The following CDK14 variants were observed in gnomAD, a reference collection of about 807,000 sequenced individuals.
CDK14 encodes cyclin dependent kinase 14.
In CDK14, 34 loss-of-function variants were observed where a neutral mutation model predicts 60.7. That is an observed-to-expected ratio of 0.56 (90% CI 0.43 to 0.75). The LOEUF is 0.75. Ranked by LOEUF, CDK14 falls within the 30% of genes least tolerant of loss-of-function variation. The probability of loss-of-function intolerance (pLI) is 0.00; values close to 1 mark genes in which losing one functional copy is unlikely to be tolerated. For missense variants in CDK14, 482 were observed against 564.1 expected (o/e 0.85, Z 1.47); for synonymous variants, 197 against 203.7 (o/e 0.97, Z 0.28).
At chr7:90,811,685 A>C (rs1789122641) in intron 5 of CDK14, among the ~76,000 whole-genome samples, 1 of 151,874 alleles carries the variant, frequency 6.6e-6, no homozygotes, top group South Asian at 2.1e-4. Flanking sequence ...CAGGCAACCT[A>C]CAGAATGGGA....
intron 5 of CDK14, among the ~76,000 whole-genome samples, chr7:90,792,340 C>T (rs1014588112): frequency 3.9e-5 from 6 of 152,048 alleles, no homozygotes; most frequent in African/African-American, 7.2e-5. Context: ...TTCATATATC[C>T]ACCTGCCTAT....
At chr7:91,169,940 T>A (rs1425380042) in intron 14 of CDK14, among the ~76,000 whole-genome samples, 1 of 152,236 alleles carries the variant, frequency 6.6e-6, no homozygotes, top group Non-Finnish European at 1.5e-5. Context: ...TGCGTTATCA[T>A]GGCTAATGTT....
rs527263579 is a variant in CDK14 at position 90,769,052 on chromosome 7, A to G, written c.464+21277A>G. ...AAACCTTTGTTTGCAGATATTTTAC[A>G]TACAAAAATTTAGACATTTATATTC... On this transcript the variant is annotated intron_variant, in intron 4 of 14. Coordinates refer to ENST00000380050, the MANE Select transcript of CDK14 (RefSeq NM_001287135.2). Among the ~76,000 whole-genome samples the G allele has an allele frequency of 2.0e-5, 3 of 152,354 alleles. No homozygotes were observed. In the East Asian group the frequency reaches 5.8e-4, roughly 29 times the overall value.
At chr7:91,173,862 C>A (rs963298937) in intron 14 of CDK14, among the ~76,000 whole-genome samples, 2 of 152,178 alleles carry the variant, frequency 1.3e-5, no homozygotes, top group African/African-American at 4.8e-5. Flanking sequence ...AACTGCAAGG[C>A]GGCAGCGAGG....
chr7:90,982,097 T>G (rs1795243104), intron 9 of CDK14, among the ~76,000 whole-genome samples: 1 of 152,186 alleles, frequency 6.6e-6, no homozygotes, highest in Non-Finnish European at 1.5e-5. Flanking sequence ...CAAGGTCTTT[T>G]GATTTACTGG....
intron 2 of CDK14, among the ~76,000 whole-genome samples, chr7:90,659,512 A>G (rs1268645266): frequency 6.6e-6 from 1 of 152,200 alleles, no homozygotes; most frequent in South Asian, 2.1e-4. Flanking sequence ...AAAAATATAC[A>G]TAGTTTAATA....
intron 5 of CDK14, among the ~76,000 whole-genome samples, chr7:90,809,656 A>G (rs1789007623): frequency 6.6e-6 from 1 of 152,146 alleles, no homozygotes; most frequent in African/African-American, 2.4e-5. Flanking sequence ...GACACAAAAA[A>G]CCCTTCAAAG....
intron 14 of CDK14, among the ~76,000 whole-genome samples, chr7:91,193,126 C>T (rs988921455): frequency 6.6e-6 from 1 of 152,172 alleles, no homozygotes; most frequent in Non-Finnish European, 1.5e-5. Context: ...AAGCATTTAA[C>T]TTTCTTGGAA....
chr7:91,069,138 G>T (rs1265781790), intron 11 of CDK14, among the ~76,000 whole-genome samples: 12 of 152,290 alleles, frequency 7.9e-5, no homozygotes, highest in Admixed American at 7.2e-4. Flanking sequence ...CTGAGTGTGT[G>T]TTTTTCTTTT....
At chr7:91,015,521 GTTTTTTTTTT>G (rs10710645) in intron 10 of CDK14, among the ~76,000 whole-genome samples, 9 of 77,662 alleles carry the variant, frequency 1.2e-4, no homozygotes, top group African/African-American at 3.6e-4. Context: ...TATGTCTTGG[GTTTTTTTTTT>G]TTTTTTTTTT....
At chr7:90,810,052 C>T (rs946116924) in intron 5 of CDK14, among the ~76,000 whole-genome samples, 4 of 152,172 alleles carry the variant, frequency 2.6e-5, no homozygotes, top group Admixed American at 1.3e-4. Context: ...TAAGGAGGAG[C>T]TGGTACCATT....
intron 8 of CDK14, among the ~76,000 whole-genome samples, chr7:90,923,178 C>T (rs1438744040): frequency 6.8e-6 from 1 of 147,562 alleles, no homozygotes; most frequent in South Asian, 2.2e-4. Context: ...GCGCCAATCT[C>T]GGCTCACTGC....
intron 2 of CDK14, chr7:90,709,124 T>C (rs1801970593): frequency 6.0e-6 from 1 of 167,208 alleles, no homozygotes; most frequent in Non-Finnish European, 1.3e-5. Context: ...TCTTTTACTT[T>C]GGTTCTGTGT....
At chr7:90,941,680 T>C (rs1198609387) in intron 8 of CDK14, among the ~76,000 whole-genome samples, 1 of 152,062 alleles carries the variant, frequency 6.6e-6, no homozygotes, top group Non-Finnish European at 1.5e-5. Flanking sequence ...ACTCAAACTC[T>C]TGGGGGCCAG....
intron 2 of CDK14, among the ~76,000 whole-genome samples, chr7:90,679,206 C>T (rs1337173900): frequency 1.3e-5 from 2 of 152,260 alleles, no homozygotes; most frequent in South Asian, 4.1e-4. Context: ...CCTGCATCTG[C>T]CTCTCAAATG....
intron 11 of CDK14, among the ~76,000 whole-genome samples, chr7:91,074,999 G>A (rs183035687): frequency 7.9e-5 from 12 of 152,124 alleles, no homozygotes; most frequent in East Asian, 7.7e-4. Context: ...GCAGTAATTC[G>A]TAGCCTACAA....
intron 12 of CDK14, among the ~76,000 whole-genome samples, chr7:91,085,330 C>T (rs1169699366): frequency 6.6e-6 from 1 of 152,128 alleles, no homozygotes; most frequent in African/African-American, 2.4e-5. Flanking sequence ...CTTCCTTGCT[C>T]GCTGTCTCCA....
At chr7:91,110,678 A>G (rs1799445406) in intron 12 of CDK14, among the ~76,000 whole-genome samples, 1 of 152,174 alleles carries the variant, frequency 6.6e-6, no homozygotes, top group African/African-American at 2.4e-5. Context: ...GATTAATAAT[A>G]TTCCTTTTTT....
chr7:91,083,765 G>T (rs1335535984), intron 12 of CDK14, among the ~76,000 whole-genome samples: 2 of 152,136 alleles, frequency 1.3e-5, no homozygotes, highest in East Asian at 3.9e-4. Flanking sequence ...GGGAGTCCTA[G>T]AGAGCCTTGG....
Sources: gnomAD v4.1 joint callset for allele counts (sites outside exome capture counted in the v4.1 genomes callset) on GRCh38, gnomAD v4.1.1 for gene constraint, MANE v1.5 for transcripts, NCBI Gene and HGNC (gene_info 2026-07-23, HGNC 2026-07-21) for gene names.